The following XG variants were observed in gnomAD, a reference collection of about 807,000 sequenced individuals.
XG encodes glycoprotein Xg.
In XG, 24 loss-of-function variants were observed where a neutral mutation model predicts 25.7. That is an observed-to-expected ratio of 0.93 (90% CI 0.68 to 1.31). The LOEUF (loss-of-function observed/expected upper bound fraction) is 1.31, where lower values mean the gene tolerates loss of function less well. Ranked by LOEUF, XG falls within the 40% of genes most tolerant of loss-of-function variation. The pLI is 0.00. For synonymous variants in XG, 77 were observed against 69.2 expected, an observed-to-expected ratio of 1.11 and a Z score of -0.56; for missense variants, 181 against 187.6, an observed-to-expected ratio of 0.96 and a Z score of 0.21.
chrX:2,774,666 C>G, intron 2 of XG, 50 bp from the exon 3 acceptor site: 1 of 1,610,692 alleles, frequency 6.2e-7, no homozygotes, highest in Non-Finnish European at 8.5e-7. Flanking sequence ...CTTCATGCTT[C>G]CAATGAATCT....
intron 4 of XG, among the ~76,000 whole-genome samples, chrX:2,786,084 A>C (rs751908887): frequency 9.2e-6 from 1 of 109,275 alleles, no homozygotes; most frequent in African/African-American, 3.3e-5. Flanking sequence ...GGAACCCAAA[A>C]TTCTCTCTGT....
intron 2 of XG, among the ~76,000 whole-genome samples, chrX:2,773,519 GAA>G (rs1491336018): frequency 3.6e-5 from 5 of 137,152 alleles, no homozygotes; most frequent in Non-Finnish European, 8.0e-5. Context: ...AGGAAGGAGA[GAA>G]GGAAGGAAGG....
chrX:2,755,001 G>A (rs750687037), intron 1 of XG, among the ~76,000 whole-genome samples: 2 of 152,272 alleles, frequency 1.3e-5, no homozygotes, highest in African/African-American at 4.8e-5. Context: ...GGGGCAGCCG[G>A]CAGCGGAATC....
rs187201397 is a variant in XG, at chrX:2,764,384, G to C, written c.62-6166G>C. Among the ~76,000 whole-genome samples, 198 of 152,176 alleles carry C rather than the reference G, an allele frequency of 1.3e-3. 1 individual carries two copies. Among genetic ancestry groups the C allele is most frequent in the African/African-American group, 4.7e-3 (194 of 41,524 alleles). On this transcript the variant is annotated intron_variant, in intron 1 of 10. Coordinates refer to ENST00000644266, the MANE Select transcript of XG (RefSeq NM_001141919.2). ...ATGGACTCGCCGCAAATTCTTTCTTGTGCAAGGTCCAAGAACCCTGTCCTG... is the reference window on the plus strand; with the variant it reads ...ATGGACTCGCCGCAAATTCTTTCTTCTGCAAGGTCCAAGAACCCTGTCCTG...
intron 4 of XG, among the ~76,000 whole-genome samples, chrX:2,787,821 C>T (rs1467355075): frequency 9.2e-6 from 1 of 108,126 alleles, no homozygotes; most frequent in Non-Finnish European, 1.9e-5. Flanking sequence ...GCCAGAGAAT[C>T]GCTTGAACCC....
At chrX:2,778,221 G>C (rs1043293024) in intron 3 of XG, among the ~76,000 whole-genome samples, 15 of 151,808 alleles carry the variant, frequency 9.9e-5, no homozygotes, top group African/African-American at 3.6e-4. Flanking sequence ...AGAAATACCA[G>C]GATCTGTAGA....
In XG at chrX:2,752,403, C is replaced by G. The variant is rs1177781562; in HGVS notation, c.61+68C>G. ...ATTTTTCTATTCTTGCTTTAAGAAACTCTTTCCAAAGGAGTTGCTATGAAG... is the reference window on the plus strand; with the variant it reads ...ATTTTTCTATTCTTGCTTTAAGAAAGTCTTTCCAAAGGAGTTGCTATGAAG... On this transcript the variant is annotated intron_variant, in intron 1 of 10. Transcript: ENST00000644266. 15 of 1,609,292 alleles carry G rather than the reference C, an allele frequency of 9.3e-6. No homozygotes were observed. In the Admixed American group the frequency reaches 2.5e-4, roughly 27 times the overall value.
At chrX:2,780,102 G>C (rs2051085768) in intron 3 of XG, among the ~76,000 whole-genome samples, 1 of 151,906 alleles carries the variant, frequency 6.6e-6, no homozygotes, top group African/African-American at 2.4e-5. Context: ...TACAAGACTG[G>C]TTGGATCTAT....
intron 3 of XG, chrX:2,774,953 A>G (rs2050943967): frequency 6.5e-6 from 4 of 612,428 alleles, no homozygotes; most frequent in South Asian, 2.0e-5. Flanking sequence ...TGAGATGGCT[A>G]AAATCTAAAA....
chrX:2,800,559 C>T (rs1041146490), intron 7 of XG, among the ~76,000 whole-genome samples: 4 of 112,327 alleles, frequency 3.6e-5, no homozygotes, highest in Non-Finnish European at 5.6e-5. Context: ...GCATGACGCT[C>T]GACTGTCCAC....
intron 1 of XG, among the ~76,000 whole-genome samples, chrX:2,753,785 G>T (rs1315832885): frequency 5.3e-5 from 8 of 152,078 alleles, no homozygotes; most frequent in African/African-American, 1.9e-4. Flanking sequence ...GTTTCACCAT[G>T]TTGGCCAGGC....
chrX:2,780,748 C>T (rs189400617), intron 3 of XG, among the ~76,000 whole-genome samples: 5 of 151,730 alleles, frequency 3.3e-5, no homozygotes, highest in African/African-American at 9.7e-5. Context: ...ATATTGGTTC[C>T]GTCTGGAAAG....
At position 2,771,782 on chromosome X, in the gene XG, A is replaced by G. The variant is rs145152665; in HGVS notation, c.103+1191A>G. 0.02 allele frequency among the ~76,000 whole-genome samples: 3,099 copies of G among 152,266 alleles called. 212 individuals carry two copies. The East Asian group carries it at 0.27, about 13-fold the overall frequency. On this transcript the variant is annotated intron_variant, in intron 2 of 10. Transcript: ENST00000644266. ...ATCCTAAAAAGCCAACAACAAGATG[A>G]TAGGAACTCATCTCTCTCCCAGTTT...
intron 1 of XG, among the ~76,000 whole-genome samples, chrX:2,756,710 C>CGA (rs1477044646): frequency 2.6e-5 from 4 of 152,142 alleles, no homozygotes; most frequent in African/African-American, 9.7e-5. Context: ...CCTGACGCCC[C>CGA]CTCACAGGAT....
chrX:2,803,592 G>T, intron 7 of XG, among the ~76,000 whole-genome samples: 1 of 109,562 alleles, frequency 9.1e-6, no homozygotes, highest in East Asian at 2.9e-4. Flanking sequence ...GTTGCAGAGG[G>T]AACCATAGGG....
chrX:2,793,761 G>C (rs2086857929), intron 5 of XG, among the ~76,000 whole-genome samples: 1 of 111,740 alleles, frequency 8.9e-6, no homozygotes, highest in Admixed American at 9.6e-5. Flanking sequence ...GAACTTGAAA[G>C]AGAAAAGGAG....
At chrX:2,773,791 GAAGGAAGGAAGGAGAGAA>G (rs2050903623) in intron 2 of XG, among the ~76,000 whole-genome samples, 1 of 106,226 alleles carries the variant, frequency 9.4e-6, no homozygotes. Context: ...AGGAAGGAGA[GAAGGAAGGAAGGAGAGAA>G]GGAAGGAAGG....
intron 4 of XG, among the ~76,000 whole-genome samples, chrX:2,787,205 CT>C (rs2086792432): frequency 9.1e-6 from 1 of 109,304 alleles, no homozygotes; most frequent in Non-Finnish European, 1.9e-5. Flanking sequence ...GCCACCCAGT[CT>C]TTGGTATTCT....
At position 2,804,846 on chromosome X, in the gene XG, A is replaced by T. The variant is rs1309190809; in HGVS notation, c.374-1855A>T. On this transcript the variant is annotated intron_variant, in intron 7 of 10. Coordinates refer to ENST00000644266, the MANE Select transcript of XG (RefSeq NM_001141919.2). The stretch of plus-strand genomic sequence containing the variant: ...TATCCCTGGGGCAAAACTGCCAGAA[A>T]ATAGCAGGTAGCCCTGTGGTCCTTG... 2.1e-3 allele frequency among the ~76,000 whole-genome samples: 229 copies of T among 111,016 alleles called. 1 individual carries two copies. Among genetic ancestry groups the T allele is most frequent in the Admixed American group, 7.0e-3 (72 of 10,238 alleles).
Sources: gnomAD v4.1 joint callset for allele counts (sites outside exome capture counted in the v4.1 genomes callset) on GRCh38, gnomAD v4.1.1 for gene constraint, MANE v1.5 for transcripts, NCBI Gene and HGNC (gene_info 2026-07-23, HGNC 2026-07-21) for gene names.